Variants in IL17RD observed in about 807,000 individuals in gnomAD.
The protein encoded by IL17RD is interleukin-17 receptor D.
Under a neutral mutation model 80.5 loss-of-function variants are expected in IL17RD, and 52 were observed. The observed-to-expected ratio is 0.65, with a 90% CI of 0.52 to 0.81. The LOEUF (loss-of-function observed/expected upper bound fraction) is 0.81, where lower values mean the gene tolerates loss of function less well. Ranked by LOEUF, IL17RD falls within the 40% of genes least tolerant of loss-of-function variation. IL17RD has a pLI of 0.00. For missense variants in IL17RD, 1,024 were observed against 955.1 expected (o/e 1.07, Z -0.95); for synonymous variants, 416 against 391.8 (o/e 1.06, Z -0.73).
At chr3:57,150,697 C>G (rs1708042331) in intron 1 of IL17RD, among the ~76,000 whole-genome samples, 1 of 152,132 alleles carries the variant, frequency 6.6e-6, no homozygotes, top group African/African-American at 2.4e-5. Flanking sequence ...GATCGGGACT[C>G]AAATTACAAT....
chr3:57,114,248 A>C (rs1357074821), intron 3 of IL17RD, among the ~76,000 whole-genome samples: 1 of 151,956 alleles, frequency 6.6e-6, no homozygotes, highest in East Asian at 1.9e-4. Flanking sequence ...ATTGTCTTTC[A>C]TGAACACTGG....
chr3:57,134,875 G>A (rs115912417), intron 1 of IL17RD, among the ~76,000 whole-genome samples: 138 of 152,282 alleles, frequency 9.1e-4, no homozygotes, highest in African/African-American at 3.2e-3. Flanking sequence ...GCACTTTGAG[G>A]CAGGGGGATT....
chr3:57,101,830 A>G (rs1706837879), intron 10 of IL17RD, among the ~76,000 whole-genome samples: 1 of 152,238 alleles, frequency 6.6e-6, no homozygotes, highest in African/African-American at 2.4e-5. Flanking sequence ...CCTCACCCAG[A>G]CCAAGCTATG....
intron 1 of IL17RD, among the ~76,000 whole-genome samples, chr3:57,141,821 A>G (rs1050734702): frequency 2.6e-5 from 4 of 152,154 alleles, no homozygotes; most frequent in African/African-American, 7.2e-5. Flanking sequence ...ATCACCTAAG[A>G]AAAAAACAAA....
At chr3:57,146,872 C>CAATG (rs1398642048) in intron 1 of IL17RD, among the ~76,000 whole-genome samples, 2 of 122,594 alleles carry the variant, frequency 1.6e-5, no homozygotes, top group Admixed American at 1.6e-4. Context: ...GACTGGAGTG[C>CAATG]AATGGCACAA....
chr3:57,133,177 G>A (rs1707648666), intron 1 of IL17RD, among the ~76,000 whole-genome samples: 2 of 152,136 alleles, frequency 1.3e-5, no homozygotes, highest in South Asian at 4.1e-4. Flanking sequence ...AAGTTTCAAA[G>A]CGTAAAAAAT....
Position 57,110,223 on chromosome 3 carries a change from C to T in IL17RD, c.399G>A (p.Pro133=), listed in dbSNP as rs771925721. The T allele has an allele frequency of 3.7e-6, 6 of 1,605,042 alleles. No individual in the cohort carries two copies. Among genetic ancestry groups the T allele is most frequent in the South Asian group, 3.4e-5 (3 of 88,892 alleles). Reference sequence around the variant, plus strand: ...TTTTGAAGCTACTGTTGAGCTGCTTCGGATCCTTTAGAATCAGTTGTTGGC... The same window carrying T: ...TTTTGAAGCTACTGTTGAGCTGCTTTGGATCCTTTAGAATCAGTTGTTGGC... ...RQCQQLILKD[P]KQLNSSFKRT... Residue 133 remains proline (P), a synonymous_variant, in exon 4 of 13, where the codon CCG becomes CCA. Transcript: ENST00000296318.
At chr3:57,163,641 C>T (rs1186687211) in intron 1 of IL17RD, among the ~76,000 whole-genome samples, 2 of 152,126 alleles carry the variant, frequency 1.3e-5, no homozygotes, top group Non-Finnish European at 1.5e-5. Flanking sequence ...TAAGTCAACA[C>T]GAGATCCTCC....
chr3:57,149,931 T>A (rs1708020119), intron 1 of IL17RD, among the ~76,000 whole-genome samples: 1 of 152,216 alleles, frequency 6.6e-6, no homozygotes, highest in Non-Finnish European at 1.5e-5. Flanking sequence ...CAGTTTTTGG[T>A]GTATGGGTCC....
chr3:57,146,647 G>C (rs1463028154), intron 1 of IL17RD, among the ~76,000 whole-genome samples: 4 of 151,030 alleles, frequency 2.6e-5, no homozygotes, highest in African/African-American at 9.7e-5. Flanking sequence ...CTACTCAGGA[G>C]GCTGAAGCAG....
chr3:57,135,223 G>A (rs961650252), intron 1 of IL17RD, among the ~76,000 whole-genome samples: 2 of 152,206 alleles, frequency 1.3e-5, no homozygotes, highest in African/African-American at 4.8e-5. Context: ...TAGGGACACA[G>A]ATTCAAGCAT....
At chr3:57,109,783 G>C (rs748163055) in intron 4 of IL17RD, 126 bp from the exon 5 acceptor site, 75 of 944,432 alleles carry the variant, frequency 7.9e-5, no homozygotes, top group Non-Finnish European at 1.1e-4. Context: ...CATGTTCCAG[G>C]GAAGCAGGAA....
intron 1 of IL17RD, among the ~76,000 whole-genome samples, chr3:57,154,633 A>C (rs2107540802): frequency 6.6e-6 from 1 of 152,290 alleles, no homozygotes; most frequent in Admixed American, 6.5e-5. Context: ...GAGAACAATG[A>C]GAGGCGGCCT....
intron 1 of IL17RD, among the ~76,000 whole-genome samples, chr3:57,152,043 A>G (rs2060228829): frequency 1.3e-5 from 2 of 152,156 alleles, no homozygotes; most frequent in Admixed American, 1.3e-4. Context: ...CTTCTACACA[A>G]AAATGGTTAA....
chr3:57,116,473 C>T (rs981376239), intron 2 of IL17RD, among the ~76,000 whole-genome samples: 6 of 151,510 alleles, frequency 4.0e-5, no homozygotes, highest in Middle Eastern at 3.4e-3. Context: ...TTAGTAGAGA[C>T]GAGGTTTCTC....
Position 57,095,227 on chromosome 3 carries a change from C to G in IL17RD, c.*1166G>C, listed in dbSNP as rs1468569309. ...TAAGGCACAGGGAGAAGGGTTTCCA[C>G]AGGGGAGACCAAGACAGCATTCATT... On this transcript the variant is annotated 3_prime_UTR_variant, in exon 13 of 13. Coordinates refer to ENST00000296318, the MANE Select transcript of IL17RD (RefSeq NM_017563.5). The G allele has an allele frequency of 6.6e-6, 1 of 152,238 alleles. No individual in the cohort carries two copies. The highest frequency in any genetic ancestry group is 2.4e-5 in the African/African-American group (1 of 41,460). The allele number at this position is 152,238 out of a possible 1,614,324, so 9.4% of individuals were successfully genotyped here.
chr3:57,163,920 TG>T (rs754482103), intron 1 of IL17RD, among the ~76,000 whole-genome samples: 6 of 151,874 alleles, frequency 4.0e-5, no homozygotes, highest in Non-Finnish European at 1.5e-5. Flanking sequence ...CCACATTTCT[TG>T]GGACTGTGGG....
upstream of IL17RD, chr3:57,170,202 G>T (rs536238435): frequency 6.6e-6 from 1 of 152,360 alleles, no homozygotes; most frequent in Non-Finnish European, 1.5e-5. Context: ...ATCCCAGGAC[G>T]CCCACCCCAT....
chr3:57,125,070 C>CTG (rs749568896), intron 1 of IL17RD, among the ~76,000 whole-genome samples: 2 of 152,224 alleles, frequency 1.3e-5, no homozygotes, highest in Non-Finnish European at 2.9e-5. Flanking sequence ...AGCTTTCCAG[C>CTG]TGTGTGACTC....
Sources: allele counts gnomAD v4.1 joint callset (sites outside exome capture counted in the v4.1 genomes callset), GRCh38; gene constraint gnomAD v4.1.1; transcripts MANE v1.5; gene names NCBI Gene and HGNC (gene_info 2026-07-23, HGNC 2026-07-21).